THSD7A: variants seen among roughly 807,000 people sequenced by gnomAD.
THSD7A encodes the protein thrombospondin type 1 domain containing 7A.
THSD7A carries 96 observed loss-of-function variants against 231.3 expected under a neutral mutation model. That is an observed-to-expected ratio of 0.41 (90% CI 0.35 to 0.49). The LOEUF (loss-of-function observed/expected upper bound fraction) is 0.49, where lower values mean the gene tolerates loss of function less well. Among genes scored for constraint, THSD7A ranks in the 20% least tolerant of loss-of-function variants. The pLI, the probability that THSD7A is intolerant of heterozygous loss-of-function variation, is 0.05. For missense variants in THSD7A, 2,290 were observed against 2,070.2 expected, an observed-to-expected ratio of 1.11 and a Z score of -2.06; for synonymous variants, 940 against 743.3, an observed-to-expected ratio of 1.26 and a Z score of -4.30.
At chr7:11,389,226 T>C (rs1287104857) in intron 23 of THSD7A, among the ~76,000 whole-genome samples, 1 of 152,044 alleles carries the variant, frequency 6.6e-6, no homozygotes, top group Non-Finnish European at 1.5e-5. Context: ...TGTGTGGGAG[T>C]CTAAGTCTCT....
At chr7:11,580,091 G>A (rs1298170950) in intron 4 of THSD7A, among the ~76,000 whole-genome samples, 2 of 152,070 alleles carry the variant, frequency 1.3e-5, no homozygotes, top group Non-Finnish European at 2.9e-5. Flanking sequence ...AATCGCATAA[G>A]CTTTGGGTCC....
At chr7:11,457,694 AC>A (rs1426414450) in intron 11 of THSD7A, among the ~76,000 whole-genome samples, 1 of 151,958 alleles carries the variant, frequency 6.6e-6, no homozygotes, top group Admixed American at 6.6e-5. Context: ...CCACAAAATC[AC>A]CCCAGGCTCC....
chr7:11,657,215 T>C (rs932841253), intron 1 of THSD7A, among the ~76,000 whole-genome samples: 13 of 151,778 alleles, frequency 8.6e-5, no homozygotes, highest in Non-Finnish European at 1.6e-4. Flanking sequence ...ACTGAGAACA[T>C]AAAGAAGACA....
intron 1 of THSD7A, among the ~76,000 whole-genome samples, chr7:11,781,928 T>C (rs188378500): frequency 2.0e-5 from 3 of 152,284 alleles, no homozygotes; most frequent in East Asian, 3.9e-4. Flanking sequence ...TAATTCTTTA[T>C]TTCAGGAGTC....
chr7:11,650,140 G>A (rs1782436304), intron 1 of THSD7A, among the ~76,000 whole-genome samples: 1 of 152,060 alleles, frequency 6.6e-6, no homozygotes, highest in South Asian at 2.1e-4. Flanking sequence ...ATTTCTTCTA[G>A]TTTAGATACA....
intron 11 of THSD7A, among the ~76,000 whole-genome samples, chr7:11,451,861 G>A (rs1168586585): frequency 6.6e-6 from 1 of 151,930 alleles, no homozygotes; most frequent in Non-Finnish European, 1.5e-5. Context: ...TATTATTCAG[G>A]TTTCACAAGA....
intron 6 of THSD7A, among the ~76,000 whole-genome samples, chr7:11,524,845 G>A (rs572318029): frequency 6.6e-6 from 1 of 152,126 alleles, no homozygotes; most frequent in Non-Finnish European, 1.5e-5. Context: ...AAATCAACAT[G>A]AAACACTATT....
intron 5 of THSD7A, among the ~76,000 whole-genome samples, chr7:11,542,185 G>C (rs948189797): frequency 2.0e-5 from 3 of 152,204 alleles, no homozygotes; most frequent in Non-Finnish European, 4.4e-5. Flanking sequence ...ATTTGAATTA[G>C]GAACATAAGC....
At chr7:11,796,181 G>C (rs1431399249) in intron 1 of THSD7A, among the ~76,000 whole-genome samples, 4 of 149,988 alleles carry the variant, frequency 2.7e-5, no homozygotes, top group Non-Finnish European at 5.9e-5. Context: ...TGAATCATAT[G>C]AGTTTCATGT....
intron 22 of THSD7A, among the ~76,000 whole-genome samples, chr7:11,404,384 T>A (rs1038301248): frequency 3.3e-5 from 5 of 152,216 alleles, no homozygotes; most frequent in Non-Finnish European, 7.4e-5. Flanking sequence ...GGATGCCCGT[T>A]CTGCTCAATG....
chr7:11,660,996 G>T (rs1049039759), intron 1 of THSD7A, among the ~76,000 whole-genome samples: 2 of 151,398 alleles, frequency 1.3e-5, no homozygotes, highest in Non-Finnish European at 3.0e-5. Context: ...TACCCTGGAG[G>T]TATTTCCCAA....
At chr7:11,386,962 T>C (rs568156577) in intron 23 of THSD7A, among the ~76,000 whole-genome samples, 21 of 152,372 alleles carry the variant, frequency 1.4e-4, no homozygotes, top group African/African-American at 4.8e-4. Context: ...ATTTATTAAA[T>C]AGGGAATCCT....
chr7:11,379,483 A>G, intron 25 of THSD7A, 147 bp downstream of exon 25: 1 of 885,018 alleles, frequency 1.1e-6, no homozygotes, highest in Non-Finnish European at 1.7e-6. Flanking sequence ...TGAAGTCAGG[A>G]CTTTTTAGAT....
At chr7:11,786,193 T>C (rs1179697554) in intron 1 of THSD7A, among the ~76,000 whole-genome samples, 2 of 151,230 alleles carry the variant, frequency 1.3e-5, no homozygotes, top group Admixed American at 6.6e-5. Flanking sequence ...TGGCAGACAC[T>C]GGACCTACTA....
chr7:11,779,656 A>T (rs771688574), intron 1 of THSD7A, among the ~76,000 whole-genome samples: 2 of 152,068 alleles, frequency 1.3e-5, no homozygotes, highest in Non-Finnish European at 2.9e-5. Context: ...CCACCACTCA[A>T]TGTCTATTTT....
chr7:11,421,873 C>G (rs561859322), intron 16 of THSD7A, among the ~76,000 whole-genome samples: 102 of 152,276 alleles, frequency 6.7e-4, no homozygotes, highest in African/African-American at 2.3e-3. Flanking sequence ...TTTATACTTA[C>G]AGGCTTTATT....
chr7:11,786,790 A>G (rs1305371526), intron 1 of THSD7A, among the ~76,000 whole-genome samples: 1 of 150,844 alleles, frequency 6.6e-6, no homozygotes, highest in Admixed American at 6.6e-5. Context: ...AGAAAAACCA[A>G]TGTAATGCTA....
intron 2 of THSD7A, among the ~76,000 whole-genome samples, chr7:11,611,787 A>AACACACACAC (rs56683135): frequency 2.4e-4 from 33 of 138,786 alleles, no homozygotes; most frequent in East Asian, 1.1e-3. Context: ...AGTACCATAA[A>AACACACACAC]ACACACACAC....
At chr7:11,440,215 G>C (rs976373148) in intron 13 of THSD7A, among the ~76,000 whole-genome samples, 2 of 151,948 alleles carry the variant, frequency 1.3e-5, no homozygotes, top group African/African-American at 4.8e-5. Flanking sequence ...CCACTGCTGA[G>C]ACCTACTGCT....
Sources: gnomAD v4.1 joint callset for allele counts (sites outside exome capture counted in the v4.1 genomes callset) on GRCh38, gnomAD v4.1.1 for gene constraint, MANE v1.5 for transcripts, NCBI Gene and HGNC (gene_info 2026-07-23, HGNC 2026-07-21) for gene names.